ITGAV: variants seen among roughly 807,000 people sequenced by gnomAD.
ITGAV encodes integrin subunit alpha V, also known as integrin alpha-V.
ITGAV carries 76 observed loss-of-function variants against 143.8 expected under a neutral mutation model. The observed-to-expected ratio is 0.53, with a 90% confidence interval of 0.44 to 0.64. The LOEUF (loss-of-function observed/expected upper bound fraction) is 0.64. Among genes scored for constraint, ITGAV ranks in the 30% least tolerant of loss-of-function variants. ITGAV has a pLI of 0.00. For missense variants in ITGAV, 1,193 were observed against 1,274.7 expected (o/e 0.94, Z 0.98); for synonymous variants, 453 against 446.7 (o/e 1.01, Z -0.18).
intron 15 of ITGAV, among the ~76,000 whole-genome samples, chr2:186,654,092 G>C (rs1329008785): frequency 1.3e-5 from 2 of 152,074 alleles, no homozygotes; most frequent in Non-Finnish European, 2.9e-5. Flanking sequence ...CAGCACTTTG[G>C]GAGACCAAGG....
chr2:186,635,066 G>A (rs533749308), intron 6 of ITGAV, among the ~76,000 whole-genome samples: 52 of 152,100 alleles, frequency 3.4e-4, no homozygotes, highest in Non-Finnish European at 6.2e-4. Flanking sequence ...TTAGGACACA[G>A]TAATAAATTA....
Position 186,669,983 on chromosome 2 carries a change from T to A in ITGAV, c.2706+169T>A, listed in dbSNP as rs1001916041. On this transcript the variant is annotated intron_variant, in intron 26 of 29. Transcript: ENST00000261023. The stretch of plus-strand genomic sequence containing the variant: ...CTTTTTCCTAGTCAGATTAATGCCA[T>A]ATTTTCTTCAAATGAGCTATTTTTG... 9 of 576,226 alleles carry A rather than the reference T, an allele frequency of 1.6e-5. No individual in the cohort carries two copies. The African/African-American group carries it at 1.7e-4, about 11-fold the overall frequency. The allele number at this position is 576,226 out of a possible 1,614,324, so 35.7% of individuals were successfully genotyped here.
chr2:186,601,977 A>C (rs1281787110), intron 1 of ITGAV, 44 bp from the exon 2 acceptor site: 5 of 1,585,828 alleles, frequency 3.2e-6, no homozygotes, highest in Admixed American at 1.8e-5. Flanking sequence ...TATTGCTTAC[A>C]CTTTGTTTCA....
At chr2:186,630,697 G>T in intron 4 of ITGAV, 100 bp from the exon 5 acceptor site, 1 of 672,074 alleles carries the variant, frequency 1.5e-6, no homozygotes, top group Non-Finnish European at 2.7e-6. Context: ...TCAAAAATTG[G>T]TACATTATCT....
At chr2:186,669,570 T>G in intron 25 of ITGAV, 131 bp from the exon 26 acceptor site, 1 of 649,068 alleles carries the variant, frequency 1.5e-6, no homozygotes, top group Non-Finnish European at 2.7e-6. Flanking sequence ...ATATACTGAG[T>G]GGTAAATATT....
At chr2:186,646,643 A>C in intron 12 of ITGAV, 43 bp from the exon 13 acceptor site, 26 of 1,411,178 alleles carry the variant, frequency 1.8e-5, no homozygotes, top group South Asian at 4.4e-5. Flanking sequence ...CCTCCTCCTT[A>C]CTTCTGTCAT....
chr2:186,662,530 C>T (rs1267171463), intron 18 of ITGAV, among the ~76,000 whole-genome samples: 1 of 152,128 alleles, frequency 6.6e-6, no homozygotes, highest in Non-Finnish European at 1.5e-5. Flanking sequence ...GCTTAATTCT[C>T]TTACTGCAAA....
chr2:186,621,522 T>C (rs145143818), intron 2 of ITGAV, among the ~76,000 whole-genome samples: 111 of 152,312 alleles, frequency 7.3e-4, no homozygotes, highest in African/African-American at 2.6e-3. Flanking sequence ...AAGTCCTTTG[T>C]AACTTTGAAA....
intron 7 of ITGAV, among the ~76,000 whole-genome samples, chr2:186,636,635 A>G (rs1687952414): frequency 6.6e-6 from 1 of 152,246 alleles, no homozygotes; most frequent in East Asian, 1.9e-4. Flanking sequence ...GAGACAGTCT[A>G]ACTCCTGAAG....
intron 2 of ITGAV, among the ~76,000 whole-genome samples, chr2:186,614,817 CT>C (rs1687308533): frequency 6.6e-6 from 1 of 151,874 alleles, no homozygotes; most frequent in East Asian, 1.9e-4. Context: ...GCTACAGCTA[CT>C]TTTTCTCCTG....
intron 2 of ITGAV, among the ~76,000 whole-genome samples, chr2:186,613,758 G>A (rs2105672621): frequency 6.6e-6 from 1 of 152,132 alleles, no homozygotes; most frequent in Admixed American, 6.5e-5. Context: ...TTATTTGTCA[G>A]AGTTTCTTAA....
Position 186,590,449 on chromosome 2 carries a change from T to C in ITGAV, c.111T>C (p.Ser37=). 1.2e-6 allele frequency: 2 copies of C among 1,612,870 alleles called. No homozygotes were observed. Among genetic ancestry groups the C allele is most frequent in the South Asian group, 1.1e-5 (1 of 90,994 alleles). Residue 37 remains serine (S), a synonymous_variant, in exon 1 of 30, where the codon AGT becomes AGC. Transcript: ENST00000261023. Reference sequence around the variant, plus strand: ...GCGCCTTCAACCTAGACGTGGACAGTCCTGCCGAGTACTCTGGCCCCGAGG... The same window carrying C: ...GCGCCTTCAACCTAGACGTGGACAGCCCTGCCGAGTACTCTGGCCCCGAGG... ...LCRAFNLDVD[S]PAEYSGPEGS...
intron 2 of ITGAV, among the ~76,000 whole-genome samples, chr2:186,620,037 C>G (rs1023206282): frequency 6.6e-6 from 1 of 152,006 alleles, no homozygotes; most frequent in East Asian, 1.9e-4. Flanking sequence ...TAACCACTCC[C>G]TTCCTGACCA....
rs552917312 is a variant in ITGAV at position 186,646,962 on chromosome 2, T to C, written c.1351+85T>C. 16 of 912,984 alleles carry C rather than the reference T, an allele frequency of 1.8e-5. No homozygotes were observed. The East Asian group carries it at 3.9e-4, about 22-fold the overall frequency. 56.6% of individuals were successfully genotyped at this position (912,984 alleles called of 1,614,324 possible). ...TAGTTACTGTTCTTGATTTATGTTA[T>C]AAATTATTGCAATTCAGTATTTCAT... On this transcript the variant is annotated intron_variant, in intron 13 of 29. Transcript: ENST00000261023.
At chr2:186,620,569 C>T (rs1310919851) in intron 2 of ITGAV, among the ~76,000 whole-genome samples, 1 of 151,876 alleles carries the variant, frequency 6.6e-6, no homozygotes, top group Non-Finnish European at 1.5e-5. Flanking sequence ...TCAAGACTAG[C>T]CTGGACAACA....
intron 5 of ITGAV, among the ~76,000 whole-genome samples, chr2:186,632,513 G>A (rs1475186563): frequency 6.6e-6 from 1 of 152,076 alleles, no homozygotes; most frequent in African/African-American, 2.4e-5. Context: ...CTTACCTCCA[G>A]CAAGAAGAGA....
Position 186,633,325 on chromosome 2 carries a change from C to A in ITGAV, c.586-4C>A. 1 of 1,571,138 alleles carries A rather than the reference C, an allele frequency of 6.4e-7. No homozygotes were observed. Among genetic ancestry groups the A allele is most frequent in the Non-Finnish European group, 8.7e-7 (1 of 1,149,300 alleles). On this transcript the variant is annotated splice_polypyrimidine_tract_variant and splice_region_variant and intron_variant, in intron 5 of 29. Coordinates refer to ENST00000261023, the MANE Select transcript of ITGAV (RefSeq NM_002210.5). ...ATATCTTTTTGTTGTGTGATTTCAT[C>A]TAGGCTGACAGAGTACTTCTTGGTG... is the stretch of plus-strand genomic sequence containing the variant.
At chr2:186,655,300 CTG>C (rs1430377873) in intron 16 of ITGAV, among the ~76,000 whole-genome samples, 2 of 152,120 alleles carry the variant, frequency 1.3e-5, no homozygotes, top group South Asian at 2.1e-4. Flanking sequence ...AGAGAAGAAA[CTG>C]AAACTGTTGG....
Position 186,602,134 on chromosome 2 carries a change from T to C in ITGAV, c.299T>C (p.Ile100Thr), listed in dbSNP as rs1287468398. 3 of 1,608,460 alleles carry C rather than the reference T, an allele frequency of 1.9e-6. No individual in the cohort carries two copies. Among genetic ancestry groups the C allele is most frequent in the Non-Finnish European group, 1.7e-6 (2 of 1,178,060 alleles). The change falls in exon 2 of 30, where the codon ATT (isoleucine) becomes ACT (threonine). Residue 100 changes from isoleucine to threonine, a missense_variant. Physicochemically the swap from Ile to Thr is moderately conservative, Grantham distance 89 (BLOSUM62 -1). Coordinates refer to ENST00000261023, the MANE Select transcript of ITGAV (RefSeq NM_002210.5). ...TCTTCTACCCGCCGGTGCCAGCCAA[T>C]TGAATTTGATGCAACAGGTAAATTT... is the stretch of plus-strand genomic sequence containing the variant. ...DWSSTRRCQP[I>T]EFDATGNRDY...
Sources: gnomAD v4.1 joint callset for allele counts (sites outside exome capture counted in the v4.1 genomes callset) on GRCh38, gnomAD v4.1.1 for gene constraint, MANE v1.5 for transcripts, NCBI Gene and HGNC (gene_info 2026-07-23, HGNC 2026-07-21) for gene names.